Variants in PDZD2 observed in about 807,000 individuals in gnomAD.
PDZD2 encodes the protein PDZ domain-containing protein 2.
A neutral mutation model predicts 220.7 loss-of-function variants in PDZD2; 90 were observed. The observed-to-expected ratio is 0.41, with a 90% confidence interval of 0.34 to 0.49. PDZD2 has a LOEUF of 0.49. Among genes scored for constraint, PDZD2 ranks in the 20% least tolerant of loss-of-function variants. The pLI, the probability that PDZD2 is intolerant of heterozygous loss-of-function variation, is 0.28. For synonymous variants in PDZD2, 1,375 were observed against 1,450.5 expected, an observed-to-expected ratio of 0.95 and a Z score of 1.18; for missense variants, 3,174 against 3,608.5, an observed-to-expected ratio of 0.88 and a Z score of 3.08.
At position 31,639,131 on chromosome 5, in the gene PDZD2, G is replaced by A. The variant is rs1051798379; in HGVS notation, c.-667G>A. 1.2e-4 allele frequency among the ~76,000 whole-genome samples: 18 copies of A among 152,136 alleles called. No homozygotes were observed. The highest frequency in any genetic ancestry group is 4.3e-4 in the African/African-American group (18 of 41,444). The stretch of plus-strand genomic sequence containing the variant: ...GGGGAGGGAATCCCCGCCCATCCTG[G>A]AGGCTCGGCGGATCCCCTGCGCAGC... On this transcript the variant is annotated 5_prime_UTR_variant, in exon 1 of 25. Coordinates refer to ENST00000438447, the MANE Select transcript of PDZD2 (RefSeq NM_178140.4). The surrounding 1 kb of genome is among the most constrained non-coding windows in gnomAD (Gnocchi z 4.1).
chr5:32,000,157 A>C lies in PDZD2; in HGVS notation c.1140A>C (p.Leu380Phe). Residue 380 changes from leucine (L) to phenylalanine (F), a missense_variant, in exon 5 of 25, where the codon TTA (leucine) becomes TTC (phenylalanine). By Grantham distance (22) the Leu-to-Phe change is conservative. Transcript: ENST00000438447. This position sits in a 1 kb window ranked among gnomAD's most constrained non-coding sequence, Gnocchi z 4.5. ...GAAHRDGRLS[L>F]GDELLVINGH... Reference sequence around the variant, plus strand: ...TCCTCAGGGATGGCAGGCTGTCCTTAGGAGATGAGCTGCTGGTAATCAATG... The same window carrying C: ...TCCTCAGGGATGGCAGGCTGTCCTTCGGAGATGAGCTGCTGGTAATCAATG... 6 of 1,613,724 alleles carry C rather than the reference A, an allele frequency of 3.7e-6. No individual in the cohort carries two copies. The highest frequency in any genetic ancestry group is 5.1e-6 in the Non-Finnish European group (6 of 1,179,662).
intron 24 of PDZD2, chr5:32,107,437 G>A (rs1009633354): frequency 6.6e-6 from 1 of 152,336 alleles, no homozygotes; most frequent in Non-Finnish European, 1.5e-5. Flanking sequence ...TATGCCTGTG[G>A]TAGCAGCTAC....
At chr5:31,821,364 G>A (rs10042407) in intron 2 of PDZD2, among the ~76,000 whole-genome samples, 4,770 of 147,104 alleles carry the variant, frequency 0.032, 281 homozygotes, top group African/African-American at 0.11. Context: ...TTCTCAGTTT[G>A]TGAGGTTTGA....
Position 31,877,067 on chromosome 5 carries a change from C to G in PDZD2, c.476+77343C>G, listed in dbSNP as rs181302771. Among the ~76,000 whole-genome samples the G allele has an allele frequency of 1.7e-3, 257 of 152,304 alleles. No individual in the cohort carries two copies. In the Middle Eastern group the frequency reaches 0.017, roughly 10 times the overall value. ...CAATGAGTTACTGCATGTGTCCTGC[C>G]TGGTTTAAGCTGCTGATAAATGATG... On this transcript the variant is annotated intron_variant, in intron 2 of 24. Transcript: ENST00000438447.
intron 1 of PDZD2, among the ~76,000 whole-genome samples, chr5:31,768,179 G>A (rs764576076): frequency 2.0e-5 from 3 of 152,194 alleles, no homozygotes; most frequent in Admixed American, 2.0e-4. Flanking sequence ...GCAACAGCAC[G>A]CTGTGGTTCA....
rs200513466 is a variant in PDZD2 at position 32,107,935 on chromosome 5, C to T, written c.8354-34C>T. The T allele has an allele frequency of 2.6e-4, 391 of 1,517,648 alleles. 2 individuals are homozygous for T. The African/African-American group carries it at 4.9e-3, about 19-fold the overall frequency. The allele number at this position is 1,517,648 out of a possible 1,614,324, so 94.0% of individuals were successfully genotyped here. On this transcript the variant is annotated intron_variant, in intron 24 of 24. Coordinates refer to ENST00000438447, the MANE Select transcript of PDZD2 (RefSeq NM_178140.4). Reference sequence around the variant, plus strand: ...GGATTTTTGAATACTATGAAACTGCCAAGCTATTAATTATTCTGTGTTTAT... The same window carrying T: ...GGATTTTTGAATACTATGAAACTGCTAAGCTATTAATTATTCTGTGTTTAT...
chr5:31,960,123 AG>A (rs1413142235), intron 2 of PDZD2, among the ~76,000 whole-genome samples: 2 of 152,138 alleles, frequency 1.3e-5, no homozygotes, highest in Non-Finnish European at 2.9e-5. Context: ...TCAGGTGGAC[AG>A]GAATTTTAGG....
intron 2 of PDZD2, among the ~76,000 whole-genome samples, chr5:31,944,852 T>A (rs1394727249): frequency 6.6e-6 from 1 of 152,230 alleles, no homozygotes; most frequent in African/African-American, 2.4e-5. Flanking sequence ...CCAGGTGAGC[T>A]GTGAGCTGAG....
At chr5:31,915,944 C>T (rs1561066577) in intron 2 of PDZD2, among the ~76,000 whole-genome samples, 3 of 152,006 alleles carry the variant, frequency 2.0e-5, no homozygotes. Context: ...GGCAGGGACT[C>T]CAAGTGTCAG....
chr5:31,830,229 G>A (rs981640643), intron 2 of PDZD2, among the ~76,000 whole-genome samples: 5 of 148,538 alleles, frequency 3.4e-5, no homozygotes, highest in East Asian at 2.0e-4. Context: ...GCAGTGGAGC[G>A]ATCTCGGCTC....
At chr5:32,001,737 G>A (rs192520726) in intron 5 of PDZD2, among the ~76,000 whole-genome samples, 34 of 152,298 alleles carry the variant, frequency 2.2e-4, no homozygotes, top group Admixed American at 1.9e-3. Context: ...GTTGACCTCT[G>A]GTGTGTCTGA....
intron 1 of PDZD2, chr5:31,712,129 C>G (rs1278715320): frequency 6.6e-6 from 1 of 152,288 alleles, no homozygotes; most frequent in Non-Finnish European, 1.5e-5. Flanking sequence ...GGGTAAGAAC[C>G]CAGAGCCCTG....
intron 21 of PDZD2, among the ~76,000 whole-genome samples, chr5:32,096,489 T>C (rs967769135): frequency 6.6e-6 from 1 of 152,192 alleles, no homozygotes; most frequent in Non-Finnish European, 1.5e-5. Flanking sequence ...GGCTAATTTT[T>C]GTATTTTTCA....
chr5:31,792,544 GA>G (rs1209012201), intron 1 of PDZD2, among the ~76,000 whole-genome samples: 1 of 151,194 alleles, frequency 6.6e-6, no homozygotes, highest in African/African-American at 2.4e-5. Flanking sequence ...CCAGCCTCCC[GA>G]AGAAGCTGGG....
intron 2 of PDZD2, among the ~76,000 whole-genome samples, chr5:31,869,530 C>T (rs972568653): frequency 6.6e-6 from 1 of 151,946 alleles, no homozygotes; most frequent in Non-Finnish European, 1.5e-5. Flanking sequence ...CGCCACTGCA[C>T]TCCAGCCTGG....
At chr5:32,033,575 C>T (rs1253531162) in intron 6 of PDZD2, among the ~76,000 whole-genome samples, 1 of 151,802 alleles carries the variant, frequency 6.6e-6, no homozygotes, top group East Asian at 1.9e-4. Flanking sequence ...TAGGTCCATT[C>T]TTACTGGCTC....
chr5:31,647,470 T>C (rs1745178113), intron 1 of PDZD2, among the ~76,000 whole-genome samples: 1 of 152,180 alleles, frequency 6.6e-6, no homozygotes, highest in African/African-American at 2.4e-5. Context: ...AGGGCCGTGC[T>C]CCTTCTGGAA....
intron 1 of PDZD2, among the ~76,000 whole-genome samples, chr5:31,672,211 A>G (rs1022611349): frequency 6.6e-6 from 1 of 152,176 alleles, no homozygotes; most frequent in Admixed American, 6.5e-5. Flanking sequence ...GAATGTATGT[A>G]GGAATCACCT....
At position 31,682,287 on chromosome 5, in the gene PDZD2, T is replaced by A. The variant is rs544804086; in HGVS notation, c.-361+42850T>A. Among the ~76,000 whole-genome samples the A allele has an allele frequency of 2.0e-5, 3 of 152,280 alleles. No individual in the cohort carries two copies. The South Asian group carries it at 6.2e-4, about 32-fold the overall frequency. ...TCTCGTGTCTGTGGTCTGTTTTAAG[T>A]TTGGGTGTGCAAGGCCAATATGAAC... On this transcript the variant is annotated intron_variant, in intron 1 of 24. Transcript: ENST00000438447.
Sources: allele counts gnomAD v4.1 joint callset (sites outside exome capture counted in the v4.1 genomes callset), GRCh38; gene constraint gnomAD v4.1.1; non-coding constraint Gnocchi (gnomAD v3.1); transcripts MANE v1.5; gene names NCBI Gene and HGNC (gene_info 2026-07-23, HGNC 2026-07-21).